MITF: variants seen among roughly 807,000 people sequenced by gnomAD.
MITF encodes melanocyte inducing transcription factor.
Under a neutral mutation model 60.5 loss-of-function variants are expected in MITF, and 17 were observed. That is an observed-to-expected ratio of 0.28 (90% confidence interval 0.19 to 0.42). MITF has a LOEUF of 0.42. MITF is among the 10% of genes least tolerant of loss of function. The probability of loss-of-function intolerance (pLI) is 1.00; values close to 1 mark genes in which losing one functional copy is unlikely to be tolerated. For synonymous variants in MITF, 260 were observed against 248.5 expected (o/e 1.05, Z -0.43); for missense variants, 622 against 683.5 (o/e 0.91, Z 1.00).
intron 1 of MITF, among the ~76,000 whole-genome samples, chr3:69,873,709 A>C (rs551237492): frequency 6.6e-6 from 1 of 152,320 alleles, no homozygotes; most frequent in Admixed American, 6.5e-5. Flanking sequence ...GAATTTTCTC[A>C]GACATGGAAG....
chr3:69,747,530 G>A (rs760863443), intron 1 of MITF, among the ~76,000 whole-genome samples: 28 of 152,340 alleles, frequency 1.8e-4, no homozygotes, highest in Non-Finnish European at 4.0e-4. Context: ...AAAAGGTAAT[G>A]TATGTAAAGC....
At chr3:69,948,282 C>T (rs1350214914) in intron 5 of MITF, among the ~76,000 whole-genome samples, 2 of 152,078 alleles carry the variant, frequency 1.3e-5, no homozygotes, top group African/African-American at 2.4e-5. Context: ...CTGCAACCAG[C>T]TAGTTACCAA....
chr3:69,744,891 C>T lies in MITF; in HGVS notation c.104+5190C>T, dbSNP rs111989087. On this transcript the variant is annotated intron_variant, in intron 1 of 9. Coordinates refer to ENST00000352241, the MANE Select transcript of MITF (RefSeq NM_001354604.2). ...TGACATTAGTGTATCCATAAAAATTCGTGTTCAACACATATTTATTGAGTC... is the reference window on the plus strand; with the variant it reads ...TGACATTAGTGTATCCATAAAAATTTGTGTTCAACACATATTTATTGAGTC... 3.9e-4 allele frequency among the ~76,000 whole-genome samples: 60 copies of T among 152,214 alleles called. 1 individual carries two copies. Among genetic ancestry groups the T allele is most frequent in the Middle Eastern group, 3.4e-3 (1 of 294 alleles).
At chr3:69,766,056 G>A (rs995341821) in intron 1 of MITF, among the ~76,000 whole-genome samples, 4 of 152,156 alleles carry the variant, frequency 2.6e-5, no homozygotes, top group African/African-American at 7.2e-5. Context: ...TTATGTTTGT[G>A]TAGAAAATGC....
At chr3:69,957,795 C>T (rs1230516869) in intron 8 of MITF, among the ~76,000 whole-genome samples, 3 of 152,116 alleles carry the variant, frequency 2.0e-5, no homozygotes, top group African/African-American at 7.2e-5. Flanking sequence ...AGAATACTTG[C>T]GGGTTTATAA....
chr3:69,803,834 T>A (rs913126840), intron 1 of MITF, among the ~76,000 whole-genome samples: 1 of 152,202 alleles, frequency 6.6e-6, no homozygotes, highest in Non-Finnish European at 1.5e-5. Flanking sequence ...TTTTTTTTTT[T>A]TTAAATTAAC....
At chr3:69,885,530 C>T (rs146238914) in intron 2 of MITF, among the ~76,000 whole-genome samples, 4 of 151,976 alleles carry the variant, frequency 2.6e-5, no homozygotes, top group South Asian at 2.1e-4. Flanking sequence ...TCAACAGGGG[C>T]GAAGTCACTC....
chr3:69,823,602 A>G (rs2063310706), intron 1 of MITF, among the ~76,000 whole-genome samples: 2 of 152,208 alleles, frequency 1.3e-5, no homozygotes, highest in Admixed American at 1.3e-4. Context: ...ACATATGAAG[A>G]CAACAGTCTT....
intron 6 of MITF, among the ~76,000 whole-genome samples, chr3:69,950,462 A>G (rs1225806512): frequency 6.7e-6 from 1 of 148,460 alleles, no homozygotes; most frequent in Non-Finnish European, 1.5e-5. Flanking sequence ...ATATATATAT[A>G]TATATATATA....
intron 1 of MITF, chr3:69,866,490 C>T (rs1166388739): frequency 1.2e-6 from 1 of 825,064 alleles, no homozygotes; most frequent in Non-Finnish European, 1.7e-6. Flanking sequence ...TGGCTTTAAT[C>T]AGCTTCAGCT....
rs572952171 is a variant in MITF, at chr3:69,936,817, C to T, written c.355-1005C>T. The T allele has an allele frequency of 1.2e-5, 18 of 1,502,934 alleles. No homozygotes were observed. The Admixed American group carries it at 2.4e-4, about 20-fold the overall frequency. The allele number at this position is 1,502,934 out of a possible 1,614,324, so 93.1% of individuals were successfully genotyped here. A position where few individuals can be genotyped will look rare whatever the true frequency, so the allele number is the denominator to read the frequency against. On this transcript the variant is annotated intron_variant, in intron 2 of 9. Transcript: ENST00000352241. ...TATAATGCAATAAATTGATTTAATCCACTTTTTGTTATTGTAATAGACATA... is the reference window on the plus strand; with the variant it reads ...TATAATGCAATAAATTGATTTAATCTACTTTTTGTTATTGTAATAGACATA...
chr3:69,916,597 T>A (rs2065340460), intron 2 of MITF, among the ~76,000 whole-genome samples: 2 of 152,158 alleles, frequency 1.3e-5, no homozygotes, highest in South Asian at 4.1e-4. Context: ...AAGCAAATAT[T>A]TACTAAAAAG....
intron 1 of MITF, among the ~76,000 whole-genome samples, chr3:69,843,584 C>A (rs2063677548): frequency 6.6e-6 from 1 of 152,076 alleles, no homozygotes; most frequent in South Asian, 2.1e-4. Flanking sequence ...TATGAAGACT[C>A]TTGGGTGAAG....
intron 1 of MITF, among the ~76,000 whole-genome samples, chr3:69,852,857 G>A (rs1305573870): frequency 1.3e-5 from 2 of 152,064 alleles, no homozygotes; most frequent in African/African-American, 2.4e-5. Context: ...TGAAGAATAC[G>A]TAGTGTTTTT....
intron 2 of MITF, among the ~76,000 whole-genome samples, chr3:69,900,969 A>AT (rs1332741805): frequency 1.1e-4 from 17 of 152,136 alleles, no homozygotes; most frequent in Admixed American, 4.6e-4. Context: ...TCCTATGTTC[A>AT]TTTTCCCAGA....
At chr3:69,897,039 G>GT (rs2064890920) in intron 2 of MITF, among the ~76,000 whole-genome samples, 1 of 152,208 alleles carries the variant, frequency 6.6e-6, no homozygotes, top group Admixed American at 6.5e-5. Context: ...GTGAAGCAGT[G>GT]AAATGCAAGG....
intron 1 of MITF, among the ~76,000 whole-genome samples, chr3:69,765,301 TAGAATAAGACC>T (rs1414835754): frequency 6.6e-6 from 1 of 152,246 alleles, no homozygotes; most frequent in Non-Finnish European, 1.5e-5. Flanking sequence ...GTAGCCTGTT[TAGAATAAGACC>T]AGAATGTGTC....
intron 1 of MITF, among the ~76,000 whole-genome samples, chr3:69,832,339 G>C (rs890291915): frequency 6.6e-6 from 1 of 152,208 alleles, no homozygotes; most frequent in Non-Finnish European, 1.5e-5. Context: ...GATACGAAGT[G>C]AAGGAGGCAT....
At chr3:69,949,725 C>T (rs750420515) in intron 6 of MITF, among the ~76,000 whole-genome samples, 1 of 152,142 alleles carries the variant, frequency 6.6e-6, no homozygotes, top group Non-Finnish European at 1.5e-5. Context: ...ATTATTTGTT[C>T]TTGAGGCAAG....
Sources: gnomAD v4.1 joint callset for allele counts (sites outside exome capture counted in the v4.1 genomes callset) on GRCh38, gnomAD v4.1.1 for gene constraint, MANE v1.5 for transcripts, NCBI Gene and HGNC (gene_info 2026-07-23, HGNC 2026-07-21) for gene names.